The following DEPDC5 variants were observed in gnomAD, a reference collection of about 807,000 sequenced individuals.
DEPDC5 encodes the protein DEP domain containing 5, GATOR1 subcomplex subunit.
A neutral mutation model predicts 217.3 loss-of-function variants in DEPDC5; 73 were observed. The observed-to-expected ratio is 0.34, with a 90% CI of 0.28 to 0.41. The LOEUF is 0.41. Among genes scored for constraint, DEPDC5 ranks in the 10% least tolerant of loss-of-function variants. The probability of loss-of-function intolerance (pLI) is 1.00; values close to 1 mark genes in which losing one functional copy is unlikely to be tolerated. For missense variants in DEPDC5, 1,675 were observed against 2,070.1 expected (o/e 0.81, Z 3.70); for synonymous variants, 733 against 756.7 (o/e 0.97, Z 0.51).
rs1214249602 is a variant in DEPDC5, at chr22:31,900,172, G to A, written c.4376-1570G>A. Among the ~76,000 whole-genome samples, 12 of 151,922 alleles carry A rather than the reference G, an allele frequency of 7.9e-5. No homozygotes were observed. The South Asian group carries it at 1.5e-3, about 18-fold the overall frequency. On this transcript the variant is annotated intron_variant, in intron 40 of 42. Coordinates refer to ENST00000651528, the MANE Select transcript of DEPDC5 (RefSeq NM_001242896.3). ...AGTGAGTCTCCTGCCACAGCCTCCC[G>A]ATTACCTGGGATTACAGGCATGTGG...
intron 29 of DEPDC5, chr22:31,844,742 G>A: frequency 9.8e-6 from 2 of 203,760 alleles, no homozygotes; most frequent in East Asian, 1.3e-4. Flanking sequence ...ACAAGGTGGA[G>A]ATGGGGTCTC....
intron 5 of DEPDC5, among the ~76,000 whole-genome samples, chr22:31,765,706 A>G (rs2082752177): frequency 1.3e-5 from 2 of 151,960 alleles, no homozygotes; most frequent in African/African-American, 2.4e-5. Context: ...CCTGGGCAAC[A>G]GAACAAGACC....
At chr22:31,766,710 T>C (rs1319992554) in intron 6 of DEPDC5, 42 bp downstream of exon 6, 1 of 1,549,964 alleles carries the variant, frequency 6.5e-7, no homozygotes, top group Non-Finnish European at 8.9e-7. Flanking sequence ...CTTTTTCCAT[T>C]ATGTGAATAA....
chr22:31,905,970 C>T lies in DEPDC5; in HGVS notation c.4437-14C>T. On this transcript the variant is annotated splice_polypyrimidine_tract_variant and intron_variant, in intron 41 of 42. Coordinates refer to ENST00000651528, the MANE Select transcript of DEPDC5 (RefSeq NM_001242896.3). ...AGGAGGCGCTGATTAGCATGTCTTCCTGTCCTTCCCTAGGTTTGGGTTTGT... is the reference window on the plus strand; with the variant it reads ...AGGAGGCGCTGATTAGCATGTCTTCTTGTCCTTCCCTAGGTTTGGGTTTGT... The T allele has an allele frequency of 6.2e-7, 1 of 1,612,760 alleles. No homozygotes were observed. The highest frequency in any genetic ancestry group is 8.5e-7 in the Non-Finnish European group (1 of 1,178,868).
chr22:31,832,665 G>T (rs1439401219), intron 24 of DEPDC5, among the ~76,000 whole-genome samples: 4 of 151,984 alleles, frequency 2.6e-5, no homozygotes, highest in Non-Finnish European at 5.9e-5. Flanking sequence ...AAATCACTGT[G>T]CTTTTAATTT....
At chr22:31,782,661 C>T (rs1444480730) in intron 8 of DEPDC5, among the ~76,000 whole-genome samples, 1 of 152,214 alleles carries the variant, frequency 6.6e-6, no homozygotes, top group Admixed American at 6.5e-5. Flanking sequence ...CATCACCTGG[C>T]ACATCTTAGC....
chr22:31,834,518 CTTTTTTTT>C (rs367796337), intron 25 of DEPDC5, among the ~76,000 whole-genome samples: 1 of 141,122 alleles, frequency 7.1e-6, no homozygotes, highest in African/African-American at 2.6e-5. Context: ...TTTGTCCCCA[CTTTTTTTT>C]TTTTTTTTGA....
intron 20 of DEPDC5, chr22:31,814,484 G>T (rs1322192672): frequency 6.3e-6 from 1 of 158,898 alleles, no homozygotes; most frequent in East Asian, 1.8e-4. Context: ...TTTTGTGTGT[G>T]TGTGTGACAG....
chr22:31,835,259 C>T (rs1050142041), intron 25 of DEPDC5, among the ~76,000 whole-genome samples: 27 of 152,342 alleles, frequency 1.8e-4, no homozygotes, highest in Admixed American at 1.6e-3. Flanking sequence ...AAGCTACCAG[C>T]AGTGAATAGA....
At chr22:31,896,989 C>T (rs999499257) in intron 39 of DEPDC5, among the ~76,000 whole-genome samples, 17 of 151,948 alleles carry the variant, frequency 1.1e-4, no homozygotes, top group African/African-American at 3.9e-4. Context: ...TGGTAGTGCA[C>T]GCCTGTAGTC....
chr22:31,891,430 A>G (rs578098384), intron 38 of DEPDC5: 7 of 254,982 alleles, frequency 2.7e-5, no homozygotes, highest in South Asian at 2.5e-4. Context: ...TCTCATATTC[A>G]TCTTGCTAAC....
At chr22:31,893,155 T>C (rs1010270585) in intron 38 of DEPDC5, among the ~76,000 whole-genome samples, 11 of 151,898 alleles carry the variant, frequency 7.2e-5, no homozygotes, top group South Asian at 2.1e-4. Flanking sequence ...ATTACACACG[T>C]GAGCCACTGT....
intron 4 of DEPDC5, among the ~76,000 whole-genome samples, chr22:31,764,125 G>T (rs138642321): frequency 1.4e-4 from 21 of 151,606 alleles, no homozygotes; most frequent in Admixed American, 2.6e-4. Context: ...GTAGAGGCGG[G>T]GTTTCACCAT....
chr22:31,864,691 G>T (rs1231091524), intron 33 of DEPDC5, among the ~76,000 whole-genome samples: 2 of 151,476 alleles, frequency 1.3e-5, no homozygotes. Flanking sequence ...AAAGTACTGG[G>T]ATCTCACTTT....
chr22:31,765,350 C>T (rs1386148825), intron 5 of DEPDC5, among the ~76,000 whole-genome samples: 5 of 152,006 alleles, frequency 3.3e-5, no homozygotes, highest in Admixed American at 1.3e-4. Flanking sequence ...AGTGCAGTGG[C>T]GTGATCTCGG....
At chr22:31,892,709 A>G (rs765544797) in intron 38 of DEPDC5, among the ~76,000 whole-genome samples, 2 of 151,944 alleles carry the variant, frequency 1.3e-5, no homozygotes, top group Non-Finnish European at 2.9e-5. Context: ...GAAAATTACT[A>G]TGCATCCTTT....
chr22:31,892,677 C>G (rs1199774991), intron 38 of DEPDC5, among the ~76,000 whole-genome samples: 2 of 152,054 alleles, frequency 1.3e-5, no homozygotes, highest in Non-Finnish European at 2.9e-5. Context: ...TAGTGAGACT[C>G]CATCTCTGAA....
At chr22:31,790,747 CTTT>C (rs558878199) in intron 10 of DEPDC5, among the ~76,000 whole-genome samples, 3 of 128,202 alleles carry the variant, frequency 2.3e-5, no homozygotes, top group Admixed American at 7.7e-5. Flanking sequence ...TTTTTTTTTT[CTTT>C]TTTTTTTTTT....
chr22:31,784,675 A>T, intron 9 of DEPDC5, 139 bp from the exon 10 acceptor site: 1 of 643,756 alleles, frequency 1.6e-6, no homozygotes, highest in Non-Finnish European at 2.6e-6. Flanking sequence ...CCCCTTTCTT[A>T]TAGAAGAAGT....
Sources: allele counts gnomAD v4.1 joint callset (sites outside exome capture counted in the v4.1 genomes callset), GRCh38; gene constraint gnomAD v4.1.1; transcripts MANE v1.5; gene names NCBI Gene and HGNC (gene_info 2026-07-23, HGNC 2026-07-21).